MAP3K6: variants seen among roughly 807,000 people sequenced by gnomAD.
MAP3K6 encodes apoptosis signal-regulating kinase 2.
MAP3K6 carries 105 observed loss-of-function variants against 147.1 expected under a neutral mutation model. The ratio of observed to expected loss-of-function variants is 0.71; its 90% CI spans 0.61 to 0.84. The LOEUF (loss-of-function observed/expected upper bound fraction) is 0.84. MAP3K6 is among the 40% of genes least tolerant of loss of function. MAP3K6 has a pLI of 0.00. For missense variants in MAP3K6, 1,569 were observed against 1,715.0 expected, an observed-to-expected ratio of 0.91 and a Z score of 1.50; for synonymous variants, 695 against 732.4, an observed-to-expected ratio of 0.95 and a Z score of 0.82.
chr1:27,365,044 G>A lies in MAP3K6; in HGVS notation c.341-132C>T, dbSNP rs541481732. ...TCTGGTTCTGCTTTGGGCTTCAGTCGGCCCTTTTTAGGGTTCCCCTGGCAC... is the reference window on the plus strand; with the variant it reads ...TCTGGTTCTGCTTTGGGCTTCAGTCAGCCCTTTTTAGGGTTCCCCTGGCAC... On this transcript the variant is annotated intron_variant, in intron 1 of 28. Coordinates refer to ENST00000357582, the MANE Select transcript of MAP3K6 (RefSeq NM_004672.5). 1.1e-5 allele frequency: 11 copies of A among 988,538 alleles called. No homozygotes were observed. The South Asian group carries it at 1.2e-4, about 11-fold the overall frequency. The allele number at this position is 988,538 out of a possible 1,614,324, so 61.2% of individuals were successfully genotyped here.
chr1:27,358,704 C>A lies in MAP3K6; in HGVS notation c.2583+5G>T, dbSNP rs371280035. On this transcript the variant is annotated splice_donor_5th_base_variant and intron_variant, in intron 19 of 28. Coordinates refer to ENST00000357582, the MANE Select transcript of MAP3K6 (RefSeq NM_004672.5). The surrounding 1 kb of genome is among the most constrained non-coding windows in gnomAD (Gnocchi z 6.2). ...TTCCATGGGCCAGGCCCAAAGAGGT[C>A]TCACCTGAAACATGGCAGCCTGTGG... 1.8e-4 allele frequency: 287 copies of A among 1,613,670 alleles called. No homozygotes were observed. Among genetic ancestry groups the A allele is most frequent in the Non-Finnish European group, 1.9e-4 (225 of 1,179,988 alleles).
rs1161251308 is a variant in MAP3K6, at chr1:27,356,726, G to T, written c.3388C>A (p.Pro1130Thr). ...TCATTACTCAGCTCCTCTGACCTCG[G>T]TGAGACCGCCTCCTTCTCCACCTCT... ...GPEVEKEAVS[P>T]RSEELSNEGD... Residue 1130 changes from proline to threonine, a missense_variant, in exon 25 of 29, where the codon CCG becomes ACG. Physicochemically the swap from Pro to Thr is conservative, Grantham distance 38 (BLOSUM62 -1). Coordinates refer to ENST00000357582, the MANE Select transcript of MAP3K6 (RefSeq NM_004672.5). 1 of 1,578,302 alleles carries T rather than the reference G, an allele frequency of 6.3e-7. No individual in the cohort carries two copies. The highest frequency in any genetic ancestry group is 8.6e-7 in the Non-Finnish European group (1 of 1,161,794).
Position 27,355,425 on chromosome 1 carries a change from C to T in MAP3K6, c.3833G>A (p.Arg1278Gln), listed in dbSNP as rs544318017. 7 of 1,614,048 alleles carry T rather than the reference C, an allele frequency of 4.3e-6. No individual in the cohort carries two copies. Among genetic ancestry groups the T allele is most frequent in the Non-Finnish European group, 5.9e-6 (7 of 1,179,972 alleles). Reference sequence around the variant, plus strand: ...AGAGGTGACTGGTGTGGATCCTGCTCGCTGTGCCAAGATGGCCCTCCAGAT... The same window carrying T: ...AGAGGTGACTGGTGTGGATCCTGCTTGCTGTGCCAAGATGGCCCTCCAGAT... ...CRIWRAILAQ[R>Q]AGSTPVTSGP The change falls in exon 29 of 29, where the codon CGA (arginine) becomes CAA (glutamine). Residue 1278 changes from arginine to glutamine, a missense_variant. Transcript: ENST00000357582.
rs971280793 is a variant in MAP3K6, at chr1:27,360,642, C to T, written c.2054+63G>A. The T allele has an allele frequency of 2.1e-5, 33 of 1,554,164 alleles. No homozygotes were observed. The highest frequency in any genetic ancestry group is 1.8e-4 in the Middle Eastern group (1 of 5,434). ...CCCCGCCCACAGGAGCCGCTCCGCT[C>T]GTGGCCCGGCTCACTCGGCCCTCGC... On this transcript the variant is annotated intron_variant, in intron 15 of 28. Transcript: ENST00000357582. The surrounding 1 kb of genome is among the most constrained non-coding windows in gnomAD (Gnocchi z 4.5).
In MAP3K6 at chr1:27,357,105, T is replaced by A. The variant is rs1036223872; in HGVS notation, c.3268A>T (p.Ile1090Phe). 1 of 1,613,680 alleles carries A rather than the reference T, an allele frequency of 6.2e-7. No individual in the cohort carries two copies. Among genetic ancestry groups the A allele is most frequent in the Non-Finnish European group, 8.5e-7 (1 of 1,179,878 alleles). Residue 1090 changes from isoleucine (I) to phenylalanine (F), a missense_variant, in exon 24 of 29, where the codon ATC (isoleucine) becomes TTC (phenylalanine). Coordinates refer to ENST00000357582, the MANE Select transcript of MAP3K6 (RefSeq NM_004672.5). ...GGACGGATCTGGCGCTTGCGGAGGATCTGCTTCACCTGCAGGGGGAGGGAG... is the reference window on the plus strand; with the variant it reads ...GGACGGATCTGGCGCTTGCGGAGGAACTGCTTCACCTGCAGGGGGAGGGAG... ...LFAFPDAVKQ[I>F]LRKRQIRPHW...
At chr1:27,363,748 G>A (rs2015871200) in intron 5 of MAP3K6, among the ~76,000 whole-genome samples, 169 bp downstream of exon 5, 1 of 152,234 alleles carries the variant, frequency 6.6e-6, no homozygotes, top group African/African-American at 2.4e-5. Context: ...ACTGCCCCAG[G>A]AGGCAGCGAC....
rs762032405 is a variant in MAP3K6, at chr1:27,359,713, C to T, written c.2319+145G>A. Reference sequence around the variant, plus strand: ...GGCTTCAGAGCTGAACCTTTCCCCTCCTTCTCTAAGGAGCCTCCCTGATGA... The same window carrying T: ...GGCTTCAGAGCTGAACCTTTCCCCTTCTTCTCTAAGGAGCCTCCCTGATGA... On this transcript the variant is annotated intron_variant, in intron 17 of 28. Transcript: ENST00000357582. This position sits in a 1 kb window ranked among gnomAD's most constrained non-coding sequence, Gnocchi z 4.4. 20 of 1,403,418 alleles carry T rather than the reference C, an allele frequency of 1.4e-5. No homozygotes were observed. The South Asian group carries it at 2.5e-4, about 18-fold the overall frequency. The allele number at this position is 1,403,418 out of a possible 1,614,324, so 86.9% of individuals were successfully genotyped here.
chr1:27,366,278 A>G lies in MAP3K6; in HGVS notation c.320T>C (p.Leu107Pro). Residue 107 changes from leucine (L) to proline (P), a missense_variant, in exon 1 of 29, where the codon CTG becomes CCG. By Grantham distance (98) the Leu-to-Pro change is moderately conservative. Transcript: ENST00000357582. The surrounding 1 kb of genome is among the most constrained non-coding windows in gnomAD (Gnocchi z 5.5). The part of the protein sequence containing the change: ...GTLELGDTAA[L>P]DAFYNADVVV... Reference sequence around the variant, plus strand: ...CTCACCCGCGTTGTAGAAGGCATCCAGAGCCGCGGTGTCGCCTAGCTCCAG... The same window carrying G: ...CTCACCCGCGTTGTAGAAGGCATCCGGAGCCGCGGTGTCGCCTAGCTCCAG... 3.0e-6 allele frequency: 4 copies of G among 1,337,616 alleles called. No individual in the cohort carries two copies. The highest frequency in any genetic ancestry group is 3.8e-6 in the Non-Finnish European group (4 of 1,045,400). The allele number at this position is 1,337,616 out of a possible 1,614,324, so 82.9% of individuals were successfully genotyped here. A position where few individuals can be genotyped will look rare whatever the true frequency, so the allele number is the denominator to read the frequency against.
chr1:27,361,439 A>T, intron 11 of MAP3K6, 44 bp from the exon 12 acceptor site: 1 of 1,612,060 alleles, frequency 6.2e-7, no homozygotes, highest in Non-Finnish European at 8.5e-7. Flanking sequence ...TGGTGACAGG[A>T]GAGGGGTCTG....
In MAP3K6 at chr1:27,356,007, C is replaced by A; in HGVS notation, c.3711+19G>T. The A allele has an allele frequency of 6.2e-7, 1 of 1,612,106 alleles. No homozygotes were observed. The highest frequency in any genetic ancestry group is 8.5e-7 in the Non-Finnish European group (1 of 1,178,276). ...TTTGGCTGGTGAGGTCAGGGATAGC[C>A]AAGCACTCCCCGACTCACCATTTGG... On this transcript the variant is annotated intron_variant, in intron 27 of 28. Transcript: ENST00000357582.
In MAP3K6 at chr1:27,360,880, G is replaced by C; in HGVS notation, c.1920+41C>G. 11 of 1,609,944 alleles carry C rather than the reference G, an allele frequency of 6.8e-6. No individual in the cohort carries two copies. Among genetic ancestry groups the C allele is most frequent in the Non-Finnish European group, 8.5e-6 (10 of 1,178,208 alleles). ...GAGATGGGAGTTCAGCAGGGCCCGC[G>C]GCCCCTCGCCCTCCGCGAGCTCCCA... On this transcript the variant is annotated intron_variant, in intron 14 of 28. Coordinates refer to ENST00000357582, the MANE Select transcript of MAP3K6 (RefSeq NM_004672.5). The surrounding 1 kb of genome is among the most constrained non-coding windows in gnomAD (Gnocchi z 4.5).
In MAP3K6 at chr1:27,364,185, C is replaced by G. The variant is rs1390524991; in HGVS notation, c.695+19G>C. 1.2e-6 allele frequency: 2 copies of G among 1,607,262 alleles called. No individual in the cohort carries two copies. Among genetic ancestry groups the G allele is most frequent in the African/African-American group, 2.7e-5 (2 of 74,896 alleles). On this transcript the variant is annotated intron_variant, in intron 4 of 28. Coordinates refer to ENST00000357582, the MANE Select transcript of MAP3K6 (RefSeq NM_004672.5). The surrounding 1 kb of genome is among the most constrained non-coding windows in gnomAD (Gnocchi z 4.4). ...CACCAGCCCCCTCCTGGAGCACCCT[C>G]CCTGGGGGCCTTCATTACCAAGAGT...
rs748829016 is a variant in MAP3K6 at position 27,364,698 on chromosome 1, A to ACAGT, written c.481-18_481-15dup. On this transcript the variant is annotated splice_polypyrimidine_tract_variant and intron_variant, in intron 2 of 28. Coordinates refer to ENST00000357582, the MANE Select transcript of MAP3K6 (RefSeq NM_004672.5). The surrounding 1 kb of genome is among the most constrained non-coding windows in gnomAD (Gnocchi z 4.4). ...GAAAACATCCTCCTGCAGGAGGCAG[A>ACAGT]CAGTCAGATACTGGTGTTCTGTGTA... 1 of 1,614,154 alleles carries ACAGT rather than the reference A, an allele frequency of 6.2e-7. No individual in the cohort carries two copies. The highest frequency in any genetic ancestry group is 1.1e-5 in the South Asian group (1 of 91,084).
At position 27,356,476 on chromosome 1, in the gene MAP3K6, C is replaced by G; in HGVS notation, c.3549G>C (p.Lys1183Asn). The change falls in exon 26 of 29, where the codon AAG becomes AAC. Residue 1183 changes from lysine to asparagine, a missense_variant. Coordinates refer to ENST00000357582, the MANE Select transcript of MAP3K6 (RefSeq NM_004672.5). The part of the protein sequence containing the change: ...TDRLREILAG[K>N]EREYQALVQR... ...GCACCAGGGCCTGGTACTCCCGTTC[C>G]TTCCCCGCCAGGATTTCGCGCAGCC... is the stretch of plus-strand genomic sequence containing the variant. The G allele has an allele frequency of 6.2e-7, 1 of 1,613,968 alleles. No individual in the cohort carries two copies. Among genetic ancestry groups the G allele is most frequent in the Non-Finnish European group, 8.5e-7 (1 of 1,179,982 alleles).
At chr1:27,362,537 T>A in intron 8 of MAP3K6, 104 bp downstream of exon 8, 1 of 933,372 alleles carries the variant, frequency 1.1e-6, no homozygotes, top group South Asian at 1.7e-5. Context: ...CCAAAATGGA[T>A]GAGCTCATCC....
rs1423690397 is a variant in MAP3K6, at chr1:27,360,355, G to A, written c.2068C>T (p.Leu690=). 1.2e-6 allele frequency: 2 copies of A among 1,613,678 alleles called. No individual in the cohort carries two copies. The highest frequency in any genetic ancestry group is 1.7e-6 in the Non-Finnish European group (2 of 1,179,916). ...CTGTGAAGAGCGATCTCTTCATGCAGGGGCTGAGAGAACCTGAGGGGAGGT... is the reference window on the plus strand; with the variant it reads ...CTGTGAAGAGCGATCTCTTCATGCAAGGGCTGAGAGAACCTGAGGGGAGGT... ...PERDSRFSQP[L]HEEIALHRRL... is the part of the protein sequence containing the mutation. Residue 690 remains leucine (L), a synonymous_variant, in exon 16 of 29, where the codon CTG becomes TTG. Transcript: ENST00000357582. The surrounding 1 kb of genome is among the most constrained non-coding windows in gnomAD (Gnocchi z 4.5).
In MAP3K6 at chr1:27,358,748, G is replaced by A. The variant is rs748910143; in HGVS notation, c.2544C>T (p.Pro848=). ...CCTGTGGGCTCCCGAGCTCGTGGAAGGGGGGGCGACCTGTGGCCATCTCAA... is the reference window on the plus strand; with the variant it reads ...CCTGTGGGCTCCCGAGCTCGTGGAAAGGGGGGCGACCTGTGGCCATCTCAA... ...TVIEMATGRP[P]FHELGSPQAA... is the part of the protein sequence containing the mutation. Residue 848 remains proline (P), a synonymous_variant, in exon 19 of 29, where the codon CCC becomes CCT. Transcript: ENST00000357582. This position sits in a 1 kb window ranked among gnomAD's most constrained non-coding sequence, Gnocchi z 6.2. 6.8e-6 allele frequency: 11 copies of A among 1,613,650 alleles called. No homozygotes were observed. The highest frequency in any genetic ancestry group is 9.3e-6 in the Non-Finnish European group (11 of 1,179,810).
chr1:27,363,646 AC>A (rs1280700831), intron 5 of MAP3K6, 98 bp from the exon 6 acceptor site: 35 of 966,234 alleles, frequency 3.6e-5, no homozygotes, highest in African/African-American at 4.9e-5. Flanking sequence ...CCACCCAGCC[AC>A]CATCTTCTGC....
Position 27,358,750 on chromosome 1 carries a change from G to A in MAP3K6, c.2542C>T (p.Pro848Ser). The A allele has an allele frequency of 3.1e-6, 5 of 1,614,014 alleles. No individual in the cohort carries two copies. Among genetic ancestry groups the A allele is most frequent in the Non-Finnish European group, 4.2e-6 (5 of 1,179,996 alleles). The change falls in exon 19 of 29, where the codon CCC (proline) becomes TCC (serine). Residue 848 changes from proline (P) to serine (S), a missense_variant. Pro to Ser is a moderately conservative substitution (Grantham distance 74). Transcript: ENST00000357582. The surrounding 1 kb of genome is among the most constrained non-coding windows in gnomAD (Gnocchi z 6.2). Reference protein sequence around the residue: ...TVIEMATGRPPFHELGSPQAA... With the variant: ...TVIEMATGRPSFHELGSPQAA... ...TGTGGGCTCCCGAGCTCGTGGAAGG[G>A]GGGGCGACCTGTGGCCATCTCAATG...
Sources: allele counts gnomAD v4.1 joint callset (sites outside exome capture counted in the v4.1 genomes callset), GRCh38; gene constraint gnomAD v4.1.1; non-coding constraint Gnocchi (gnomAD v3.1); transcripts MANE v1.5; gene names NCBI Gene and HGNC (gene_info 2026-07-23, HGNC 2026-07-21).